The following ATP2B2 variants were observed in gnomAD, a reference collection of about 807,000 sequenced individuals.
ATP2B2 encodes the protein plasma membrane calcium-transporting ATPase 2.
A neutral mutation model predicts 120.0 loss-of-function variants in ATP2B2; 15 were observed. That is an observed-to-expected ratio of 0.12 (90% CI 0.08 to 0.19). The LOEUF (loss-of-function observed/expected upper bound fraction) is 0.19. ATP2B2 is among the 10% of genes least tolerant of loss of function. The probability of loss-of-function intolerance (pLI) is 1.00; values close to 1 mark genes in which losing one functional copy is unlikely to be tolerated. For missense variants in ATP2B2, 1,045 were observed against 1,719.8 expected (o/e 0.61, Z 6.94); for synonymous variants, 694 against 700.3 (o/e 0.99, Z 0.14).
At chr3:10,592,081 G>C (rs1378395957) in intron 2 of ATP2B2, among the ~76,000 whole-genome samples, 2 of 152,130 alleles carry the variant, frequency 1.3e-5, no homozygotes, top group Non-Finnish European at 2.9e-5. Context: ...TGGAAGGTTG[G>C]GAAGAAGAAG....
chr3:10,396,118 G>A (rs1317384945), intron 5 of ATP2B2, among the ~76,000 whole-genome samples: 1 of 152,242 alleles, frequency 6.6e-6, no homozygotes, highest in Non-Finnish European at 1.5e-5. Context: ...CTGAGGTTCT[G>A]AGGGGCAGAG....
intron 14 of ATP2B2, among the ~76,000 whole-genome samples, chr3:10,353,861 C>T (rs1246866276): frequency 6.6e-6 from 1 of 152,180 alleles, no homozygotes; most frequent in African/African-American, 2.4e-5. Flanking sequence ...CCCTGGTTTC[C>T]TCATCTGTAA....
At chr3:10,407,359 T>C (rs776152250) in intron 3 of ATP2B2, among the ~76,000 whole-genome samples, 12 of 152,240 alleles carry the variant, frequency 7.9e-5, no homozygotes, top group Non-Finnish European at 1.8e-4. Context: ...ATCTTTCCTA[T>C]GGGTGCCAGG....
intron 2 of ATP2B2, among the ~76,000 whole-genome samples, chr3:10,584,720 A>C (rs981550742): frequency 1.3e-5 from 2 of 152,096 alleles, no homozygotes; most frequent in African/African-American, 2.4e-5. Flanking sequence ...CTAAGGACCT[A>C]ACTTCCCACT....
chr3:10,501,427 G>C (rs1386379714), intron 1 of ATP2B2, among the ~76,000 whole-genome samples: 5 of 149,078 alleles, frequency 3.4e-5, no homozygotes, highest in Non-Finnish European at 7.4e-5. Context: ...CTGGAGTGCA[G>C]TGGCACAATC....
intron 11 of ATP2B2, 72 bp from the exon 12 acceptor site, chr3:10,372,123 T>G (rs986929013): frequency 6.3e-7 from 1 of 1,599,912 alleles, no homozygotes; most frequent in African/African-American, 1.3e-5. Context: ...CTGGAGGCAC[T>G]GGGTAAACAT....
At chr3:10,654,031 C>T (rs1051684907) in intron 1 of ATP2B2, among the ~76,000 whole-genome samples, 1 of 150,806 alleles carries the variant, frequency 6.6e-6, no homozygotes, top group Admixed American at 6.6e-5. Flanking sequence ...TTGCTGAACT[C>T]TTACTTGGCT....
chr3:10,428,884 C>T (rs1355609621), intron 2 of ATP2B2, among the ~76,000 whole-genome samples: 1 of 152,220 alleles, frequency 6.6e-6, no homozygotes, highest in Non-Finnish European at 1.5e-5. Flanking sequence ...TGTTTCTCCT[C>T]CCAGATCCCT....
intron 2 of ATP2B2, among the ~76,000 whole-genome samples, chr3:10,606,955 AGGGGGG>A (rs1483866528): frequency 6.7e-5 from 4 of 59,654 alleles, no homozygotes; most frequent in South Asian, 8.6e-4. Context: ...GGAGAGGGGG[AGGGGGG>A]GAGAGAGAGA....
intron 12 of ATP2B2, among the ~76,000 whole-genome samples, chr3:10,371,118 C>T (rs1263621357): frequency 6.6e-6 from 1 of 152,178 alleles, no homozygotes; most frequent in Non-Finnish European, 1.5e-5. Context: ...TTTATTTTAC[C>T]ACTGTGTGAA....
At chr3:10,615,537 G>C (rs1228194103) in intron 2 of ATP2B2, among the ~76,000 whole-genome samples, 1 of 152,178 alleles carries the variant, frequency 6.6e-6, no homozygotes, top group Non-Finnish European at 1.5e-5. Flanking sequence ...CAGCCCCTCA[G>C]AGTGGTTTTG....
intron 1 of ATP2B2, among the ~76,000 whole-genome samples, chr3:10,628,555 T>G (rs751650532): frequency 6.6e-6 from 1 of 152,236 alleles, no homozygotes; most frequent in African/African-American, 2.4e-5. Flanking sequence ...GCAGGACATG[T>G]AGTAGGGCGT....
At chr3:10,582,858 C>T (rs1004583483) in intron 2 of ATP2B2, among the ~76,000 whole-genome samples, 5 of 152,214 alleles carry the variant, frequency 3.3e-5, no homozygotes, top group African/African-American at 1.2e-4. Flanking sequence ...CACATGGCTC[C>T]AGCTGGTACC....
chr3:10,562,038 T>A (rs9860859), intron 2 of ATP2B2, among the ~76,000 whole-genome samples: 8,365 of 152,276 alleles, frequency 0.055, 377 homozygotes, highest in African/African-American at 0.13. Context: ...TTTTAGAACA[T>A]GCCTCTGTGA....
chr3:10,342,521 G>A lies in ATP2B2; in HGVS notation c.2917+231C>T, dbSNP rs1461400819. ...TACTTGTTGCCAGGAGCTGTCACCA[G>A]TGGAGAAAGCCACTGATGGCTTTAG... On this transcript the variant is annotated intron_variant, in intron 19 of 22. Transcript: ENST00000360273. This position sits in a 1 kb window ranked among gnomAD's most constrained non-coding sequence, Gnocchi z 4.4. Among the ~76,000 whole-genome samples, 1 of 152,216 alleles carries A rather than the reference G, an allele frequency of 6.6e-6. No homozygotes were observed.
chr3:10,449,062 G>A (rs2063938343), intron 2 of ATP2B2, among the ~76,000 whole-genome samples: 1 of 152,164 alleles, frequency 6.6e-6, no homozygotes, highest in Non-Finnish European at 1.5e-5. Flanking sequence ...CCACTCTGCG[G>A]CTGTGGGGCT....
At position 10,410,637 on chromosome 3, in the gene ATP2B2, C is replaced by T. The variant is rs770550481; in HGVS notation, c.378G>A (p.Pro126=). 1.2e-6 allele frequency: 2 copies of T among 1,607,572 alleles called. No individual in the cohort carries two copies. Among genetic ancestry groups the T allele is most frequent in the African/African-American group, 1.3e-5 (1 of 74,844 alleles). ...TCTTACCTTCGTTGCCCTCGCCGGG[C>T]GGGTGGTAGAAGGACAGCCCCAGGG... ...IISLGLSFYH[P]PGEGNEGCAT... The change falls in exon 3 of 23, where the codon CCG becomes CCA. Residue 126 remains proline (P), a synonymous_variant. Transcript: ENST00000360273.
Position 10,407,517 on chromosome 3 carries a change from C to T in ATP2B2, c.397+3101G>A, listed in dbSNP as rs932766324. On this transcript the variant is annotated intron_variant, in intron 3 of 22. Transcript: ENST00000360273. ...TGAGTCTGTTCTGTGCACAGGGCTG[C>T]CCGCCCTCTCAGAAGCAAGGCTCTC... Among the ~76,000 whole-genome samples the T allele has an allele frequency of 2.0e-5, 3 of 152,216 alleles. No individual in the cohort carries two copies. In the East Asian group the frequency reaches 5.8e-4, roughly 29 times the overall value.
In ATP2B2 at chr3:10,340,251, A is replaced by G. The variant is rs774105140; in HGVS notation, c.3228T>C (p.Val1076=). 7 of 1,614,074 alleles carry G rather than the reference A, an allele frequency of 4.3e-6. No homozygotes were observed. The highest frequency in any genetic ancestry group is 2.7e-5 in the African/African-American group (2 of 75,062). ...CCTACCAGGAACTTACCTGGCCCCA[A>G]ACGAGCTCTCCTAACCCAATGAATA... ...WCIFIGLGEL[V]WGQVIATIPT... The change falls in exon 21 of 23, where the codon GTT becomes GTC. Residue 1076 remains valine, a synonymous_variant. Coordinates refer to ENST00000360273, the MANE Select transcript of ATP2B2 (RefSeq NM_001001331.4). This position sits in a 1 kb window ranked among gnomAD's most constrained non-coding sequence, Gnocchi z 5.0.
Sources: gnomAD v4.1 joint callset for allele counts (sites outside exome capture counted in the v4.1 genomes callset) on GRCh38, gnomAD v4.1.1 for gene constraint, Gnocchi (gnomAD v3.1) non-coding constraint, MANE v1.5 for transcripts, NCBI Gene and HGNC (gene_info 2026-07-23, HGNC 2026-07-21) for gene names.